ZNF609: variants seen among roughly 807,000 people sequenced by gnomAD.
The protein encoded by ZNF609 is zinc finger protein 609.
A neutral mutation model predicts 109.5 loss-of-function variants in ZNF609; 11 were observed. That is an observed-to-expected ratio of 0.10 (90% CI 0.06 to 0.17). The LOEUF (loss-of-function observed/expected upper bound fraction) is 0.17. Among genes scored for constraint, ZNF609 ranks in the 10% least tolerant of loss-of-function variants. The probability of loss-of-function intolerance (pLI) is 1.00; values close to 1 mark genes in which losing one functional copy is unlikely to be tolerated. For missense variants in ZNF609, 1,559 were observed against 1,772.4 expected, an observed-to-expected ratio of 0.88 and a Z score of 2.16; for synonymous variants, 646 against 662.0, an observed-to-expected ratio of 0.98 and a Z score of 0.37.
At chr15:64,541,839 C>CAAAA (rs59597800) in intron 2 of ZNF609, among the ~76,000 whole-genome samples, 13 of 42,190 alleles carry the variant, frequency 3.1e-4, no homozygotes, top group African/African-American at 4.4e-4. Context: ...GACTCCAACT[C>CAAAA]AAAAAAAAAA....
rs1337995923 is a variant in ZNF609, at chr15:64,685,915, G to A, written c.*4229G>A. 6.6e-6 allele frequency: 1 copy of A among 152,154 alleles called. No homozygotes were observed. Among genetic ancestry groups the A allele is most frequent in the Non-Finnish European group, 1.5e-5 (1 of 68,018 alleles). 9.4% of individuals were successfully genotyped at this position (152,154 alleles called of 1,614,324 possible). The stretch of plus-strand genomic sequence containing the variant: ...TGAAACACAGCCCAACCAAACCATT[G>A]TTTGGCCGCTTTCTCTTTTCCTCTA... On this transcript the variant is annotated 3_prime_UTR_variant, in exon 10 of 10. Transcript: ENST00000326648.
At chr15:64,663,738 C>A (rs1896610702) in intron 3 of ZNF609, among the ~76,000 whole-genome samples, 1 of 152,000 alleles carries the variant, frequency 6.6e-6, no homozygotes, top group Non-Finnish European at 1.5e-5. Context: ...CATGAAGGTA[C>A]CAGATCCCTG....
intron 3 of ZNF609, among the ~76,000 whole-genome samples, chr15:64,636,726 C>A (rs1454542208): frequency 6.6e-6 from 1 of 152,158 alleles, no homozygotes; most frequent in Non-Finnish European, 1.5e-5. Context: ...CTGCCATGTG[C>A]TGTTGCCTTA....
At chr15:64,598,463 A>G (rs1042785210) in intron 2 of ZNF609, among the ~76,000 whole-genome samples, 2 of 152,094 alleles carry the variant, frequency 1.3e-5, no homozygotes, top group Non-Finnish European at 2.9e-5. Flanking sequence ...ACTTATGTAT[A>G]GATCAGTTTA....
chr15:64,652,302 G>A (rs1476227556), intron 3 of ZNF609, among the ~76,000 whole-genome samples: 1 of 151,824 alleles, frequency 6.6e-6, no homozygotes, highest in Non-Finnish European at 1.5e-5. Context: ...CAGCTTACAG[G>A]CATGAGCCAC....
At chr15:64,655,085 G>T (rs1896470649) in intron 3 of ZNF609, among the ~76,000 whole-genome samples, 1 of 126,428 alleles carries the variant, frequency 7.9e-6, no homozygotes, top group South Asian at 2.4e-4. Flanking sequence ...GACAGAACGA[G>T]ACTCCATCTC....
intron 2 of ZNF609, among the ~76,000 whole-genome samples, chr15:64,540,828 G>C (rs1046347945): frequency 6.7e-6 from 1 of 148,238 alleles, no homozygotes; most frequent in South Asian, 2.2e-4. Flanking sequence ...AAGAGATCGA[G>C]ACCATTCTGG....
intron 2 of ZNF609, among the ~76,000 whole-genome samples, chr15:64,599,162 G>A (rs891588828): frequency 2.3e-4 from 18 of 79,328 alleles, no homozygotes; most frequent in Admixed American, 2.1e-3. Context: ...AAGTTATTTT[G>A]TGGTGGTTTT....
intron 2 of ZNF609, among the ~76,000 whole-genome samples, chr15:64,605,550 G>GC (rs1895580536): frequency 6.6e-6 from 1 of 152,072 alleles, no homozygotes; most frequent in Non-Finnish European, 1.5e-5. Context: ...ACTGTATATA[G>GC]CTAGGCACTG....
intron 2 of ZNF609, among the ~76,000 whole-genome samples, chr15:64,537,502 CAAAAAAAAAAAAAGA>C (rs1894172295): frequency 1.2e-5 from 1 of 84,576 alleles, no homozygotes; most frequent in African/African-American, 4.9e-5. Context: ...AACTCTGTCT[CAAAAAAAAAAAAAGA>C]AAAAGAAAAA....
intron 1 of ZNF609, among the ~76,000 whole-genome samples, chr15:64,473,188 G>GTTTTTTTTTTTTTTT (rs1893114721): frequency 8.0e-6 from 1 of 124,290 alleles, no homozygotes; most frequent in African/African-American, 3.8e-5. Flanking sequence ...CTCATATTTG[G>GTTTTTTTTTTTTTTT]TTCTTTTTTT....
At chr15:64,583,437 G>A (rs773691857) in intron 2 of ZNF609, among the ~76,000 whole-genome samples, 24 of 152,028 alleles carry the variant, frequency 1.6e-4, no homozygotes, top group Non-Finnish European at 2.8e-4. Flanking sequence ...TTCATTGGTG[G>A]GGCTTGTCAT....
At chr15:64,501,367 G>A (rs772861047) in intron 2 of ZNF609, 3 of 152,216 alleles carry the variant, frequency 2.0e-5, no homozygotes, top group Non-Finnish European at 4.4e-5. Flanking sequence ...CACATCTGTA[G>A]CTCTTAGCAA....
intron 2 of ZNF609, among the ~76,000 whole-genome samples, chr15:64,521,738 A>G (rs907272743): frequency 2.6e-5 from 4 of 152,230 alleles, no homozygotes; most frequent in Non-Finnish European, 5.9e-5. Context: ...ATGGACAGCC[A>G]TAGTGGCTAA....
At chr15:64,541,579 G>T (rs927320745) in intron 2 of ZNF609, among the ~76,000 whole-genome samples, 1 of 151,962 alleles carries the variant, frequency 6.6e-6, no homozygotes, top group Non-Finnish European at 1.5e-5. Context: ...CGTGGCTCAT[G>T]CCTGTAATCC....
At chr15:64,461,223 G>C (rs1233123992) in intron 1 of ZNF609, among the ~76,000 whole-genome samples, 2 of 117,650 alleles carry the variant, frequency 1.7e-5, no homozygotes, top group African/African-American at 5.7e-5. Flanking sequence ...GCGGGGGAGG[G>C]GGGGCGGGGG....
intron 2 of ZNF609, among the ~76,000 whole-genome samples, chr15:64,533,252 T>C (rs886324450): frequency 6.6e-6 from 1 of 152,150 alleles, no homozygotes; most frequent in Non-Finnish European, 1.5e-5. Flanking sequence ...GGTTCCATCA[T>C]GTTGTCCAGG....
intron 2 of ZNF609, among the ~76,000 whole-genome samples, chr15:64,576,014 A>G (rs1186285063): frequency 6.6e-6 from 1 of 152,148 alleles, no homozygotes; most frequent in Non-Finnish European, 1.5e-5. Flanking sequence ...AGGCAGGAGA[A>G]TGGCACGAAC....
intron 6 of ZNF609, among the ~76,000 whole-genome samples, chr15:64,678,729 A>C (rs1396844329): frequency 2.6e-5 from 4 of 152,200 alleles, no homozygotes; most frequent in Non-Finnish European, 5.9e-5. Flanking sequence ...CTCTGTAGTC[A>C]GTTTTCATTG....
Sources: allele counts gnomAD v4.1 joint callset (sites outside exome capture counted in the v4.1 genomes callset), GRCh38; gene constraint gnomAD v4.1.1; transcripts MANE v1.5; gene names NCBI Gene and HGNC (gene_info 2026-07-23, HGNC 2026-07-21).